Variants in ALMS1 observed in about 807,000 individuals in gnomAD.
ALMS1 encodes centrosome-associated protein ALMS1.
ALMS1 carries 271 observed loss-of-function variants against 352.2 expected under a neutral mutation model. The observed-to-expected ratio is 0.77, with a 90% CI of 0.70 to 0.85. The LOEUF (loss-of-function observed/expected upper bound fraction) is 0.85. Ranked by LOEUF, ALMS1 falls within the 40% of genes least tolerant of loss-of-function variation. The pLI, the probability that ALMS1 is intolerant of heterozygous loss-of-function variation, is 0.00. For missense variants in ALMS1, 5,445 were observed against 4,870.7 expected (o/e 1.12, Z -3.51); for synonymous variants, 1,865 against 1,761.2 (o/e 1.06, Z -1.48).
chr2:73,585,145 T>A (rs556917028), intron 16 of ALMS1, among the ~76,000 whole-genome samples: 37 of 152,316 alleles, frequency 2.4e-4, no homozygotes, highest in Admixed American at 4.6e-4. Context: ...AGATACCCAG[T>A]AGTGGGACTG....
In ALMS1 at chr2:73,453,294, C is replaced by A; in HGVS notation, c.6767C>A (p.Ala2256Asp). Residue 2256 changes from alanine (A) to aspartate (D), a missense_variant, in exon 8 of 23, where the codon GCT (alanine) becomes GAT (aspartate). Ala to Asp is a moderately radical substitution (Grantham distance 126). Coordinates refer to ENST00000613296, the MANE Select transcript of ALMS1 (RefSeq NM_001378454.1). ...GAAATCCAGGATGCAGAAAATAGTG[C>A]TAAAACTCTTAAGGAAATTCGGACA... ...SEEIQDAENS[A>D]KTLKEIRTLL... 6.2e-7 allele frequency: 1 copy of A among 1,613,876 alleles called. No homozygotes were observed. The highest frequency in any genetic ancestry group is 8.5e-7 in the Non-Finnish European group (1 of 1,179,968).
chr2:73,389,891 T>C (rs1670607923), intron 1 of ALMS1, among the ~76,000 whole-genome samples: 1 of 152,102 alleles, frequency 6.6e-6, no homozygotes, highest in Non-Finnish European at 1.5e-5. Context: ...GGTTTCACCA[T>C]GTTGGCCAGG....
intron 9 of ALMS1, among the ~76,000 whole-genome samples, chr2:73,483,317 C>A (rs1233571498): frequency 5.9e-5 from 9 of 151,472 alleles, no homozygotes; most frequent in East Asian, 1.9e-4. Context: ...TTTGTGCCTT[C>A]ATTTCGTTAT....
Position 73,489,035 on chromosome 2 carries a change from T to C in ALMS1, c.7675-599T>C, listed in dbSNP as rs542666259. Among the ~76,000 whole-genome samples the C allele has an allele frequency of 5.3e-5, 8 of 152,306 alleles. No homozygotes were observed. The East Asian group carries it at 1.3e-3, about 26-fold the overall frequency. On this transcript the variant is annotated intron_variant, in intron 9 of 22. Transcript: ENST00000613296. ...AAGTGAGCTCTGTTCCTTGATGTCA[T>C]CCAGGGACCCAAGCTGGCTGGACAA...
intron 9 of ALMS1, among the ~76,000 whole-genome samples, chr2:73,489,306 G>T (rs763690045): frequency 6.6e-6 from 1 of 152,110 alleles, no homozygotes; most frequent in Non-Finnish European, 1.5e-5. Context: ...GTGGCTATGT[G>T]GCCAGCAAAA....
chr2:73,403,826 A>G (rs993463015), intron 1 of ALMS1, among the ~76,000 whole-genome samples: 2 of 152,038 alleles, frequency 1.3e-5, no homozygotes, highest in Admixed American at 6.6e-5. Context: ...TCTTTTTCAT[A>G]TAAGTAGTTA....
chr2:73,515,267 G>A (rs1673531737), intron 10 of ALMS1, among the ~76,000 whole-genome samples: 2 of 151,836 alleles, frequency 1.3e-5, no homozygotes, highest in South Asian at 4.2e-4. Context: ...TTTTTTAATA[G>A]ATTGTAGTTT....
At chr2:73,601,521 A>G (rs1276605575) in intron 19 of ALMS1, 85 bp downstream of exon 19, 7 of 1,560,054 alleles carry the variant, frequency 4.5e-6, no homozygotes, top group South Asian at 2.3e-5. Context: ...TGACTTGGTG[A>G]GCTGAGGTGT....
intron 15 of ALMS1, among the ~76,000 whole-genome samples, chr2:73,561,009 T>G (rs1283875133): frequency 6.6e-6 from 1 of 152,234 alleles, no homozygotes; most frequent in Non-Finnish European, 1.5e-5. Context: ...ATGGGCTAGC[T>G]TGAAGCAAGC....
At position 73,573,089 on chromosome 2, in the gene ALMS1, C is replaced by G; in HGVS notation, c.11212C>G (p.Arg3738Gly). The G allele has an allele frequency of 6.2e-7, 1 of 1,613,968 alleles. No individual in the cohort carries two copies. Among genetic ancestry groups the G allele is most frequent in the Non-Finnish European group, 8.5e-7 (1 of 1,179,982 alleles). The change falls in exon 16 of 23, where the codon CGG becomes GGG. Residue 3738 changes from arginine (R) to glycine (G), a missense_variant. Transcript: ENST00000613296. ...NYISNTSSDC[R>G]PSEESELLTD... ...TATAAGCAACACTTCTTCGGATTGT[C>G]GGCCCTCAGAGGAGAGTGAGCTGCT...
At chr2:73,487,916 A>G (rs1672889085) in intron 9 of ALMS1, among the ~76,000 whole-genome samples, 1 of 152,182 alleles carries the variant, frequency 6.6e-6, no homozygotes, top group South Asian at 2.1e-4. Flanking sequence ...CGGAGTGGCT[A>G]GCTCCTATCT....
intron 1 of ALMS1, among the ~76,000 whole-genome samples, chr2:73,390,818 G>A (rs1313301528): frequency 3.3e-5 from 5 of 151,766 alleles, no homozygotes; most frequent in Non-Finnish European, 7.4e-5. Flanking sequence ...TCACCAGGCT[G>A]GAGTGGCAGT....
chr2:73,433,448 G>A (rs1224133854), intron 7 of ALMS1, among the ~76,000 whole-genome samples: 2 of 151,974 alleles, frequency 1.3e-5, no homozygotes, highest in Non-Finnish European at 2.9e-5. Flanking sequence ...GATTAGATGA[G>A]GTGGGAATAA....
At chr2:73,539,977 T>C (rs753570311) in intron 12 of ALMS1, among the ~76,000 whole-genome samples, 18 of 152,250 alleles carry the variant, frequency 1.2e-4, no homozygotes, top group Admixed American at 9.2e-4. Flanking sequence ...ACTTCCCCAA[T>C]CTAGCAAGGC....
In ALMS1 at chr2:73,391,294, C is replaced by CTT. The variant is rs397972016; in HGVS notation, c.324+5118_324+5119dup. ...TTAACCTATTCATATACGTTTTATT[C>CTT]TTTTTTTTTTTTTTTTTGAGACGGA... On this transcript the variant is annotated intron_variant, in intron 1 of 22. Transcript: ENST00000613296. Among the ~76,000 whole-genome samples the CTT allele has an allele frequency of 1.6e-4, 18 of 114,926 alleles. 1 individual carries two copies. Among genetic ancestry groups the CTT allele is most frequent in the Middle Eastern group, 4.8e-3 (1 of 210 alleles). The allele number at this position is 114,926 out of a possible 152,430, so 75.4% of individuals were successfully genotyped here. A position where few individuals can be genotyped will look rare whatever the true frequency, so the allele number is the denominator to read the frequency against.
At position 73,522,467 on chromosome 2, in the gene ALMS1, CTTT is replaced by C. The variant is rs137919148; in HGVS notation, c.9781+2470_9781+2472del. Among the ~76,000 whole-genome samples the C allele has an allele frequency of 6.1e-3, 654 of 106,698 alleles. 4 individuals are homozygous for C. Among genetic ancestry groups the C allele is most frequent in the South Asian group, 0.013 (43 of 3,388 alleles). The allele number at this position is 106,698 out of a possible 152,430, so 70.0% of individuals were successfully genotyped here. A position where few individuals can be genotyped will look rare whatever the true frequency, so the allele number is the denominator to read the frequency against. ...GTTGTCTCAGACTAAGGTTGAGGTC[CTTT>C]TTTTTTTTTTTTTTTTTTGAGATGG... On this transcript the variant is annotated intron_variant, in intron 11 of 22. Coordinates refer to ENST00000613296, the MANE Select transcript of ALMS1 (RefSeq NM_001378454.1).
chr2:73,570,645 C>CCCAGTAGAGAGGGAGAA (rs59394329), intron 15 of ALMS1, among the ~76,000 whole-genome samples: 45,932 of 151,724 alleles, frequency 0.3, 8,468 homozygotes, highest in African/African-American at 0.53. Flanking sequence ...ATGGAAATGA[C>CCCAGTAGAGAGGGAGAA]CCTGAAAGAT....
At chr2:73,521,388 A>G (rs1457197959) in intron 11 of ALMS1, among the ~76,000 whole-genome samples, 6 of 152,088 alleles carry the variant, frequency 3.9e-5, no homozygotes, top group African/African-American at 1.4e-4. Context: ...TAATGGGTCA[A>G]TAGCTATCCT....
intron 10 of ALMS1, among the ~76,000 whole-genome samples, chr2:73,492,352 A>G (rs541583321): frequency 2.0e-5 from 3 of 152,324 alleles, no homozygotes; most frequent in South Asian, 2.1e-4. Flanking sequence ...TAGATATGCT[A>G]TCCTACTTAG....
Sources: gnomAD v4.1 joint callset for allele counts (sites outside exome capture counted in the v4.1 genomes callset) on GRCh38, gnomAD v4.1.1 for gene constraint, MANE v1.5 for transcripts, NCBI Gene and HGNC (gene_info 2026-07-23, HGNC 2026-07-21) for gene names.